PIEZO2: variants seen among roughly 807,000 people sequenced by gnomAD.
PIEZO2 encodes the protein piezo type mechanosensitive ion channel component 2, also known as piezo-type mechanosensitive ion channel component 2.
Under a neutral mutation model 337.3 loss-of-function variants are expected in PIEZO2, and 172 were observed. The ratio of observed to expected loss-of-function variants is 0.51; its 90% CI spans 0.45 to 0.58. PIEZO2 has a LOEUF of 0.58. PIEZO2 is among the 20% of genes least tolerant of loss of function. The pLI is 0.00. For synonymous variants in PIEZO2, 1,251 were observed against 1,228.5 expected, an observed-to-expected ratio of 1.02 and a Z score of -0.38; for missense variants, 3,028 against 3,391.3, an observed-to-expected ratio of 0.89 and a Z score of 2.66.
rs1217231169 is a variant in PIEZO2 at position 10,784,968 on chromosome 18, A to G, written c.2319-11T>C. The G allele has an allele frequency of 9.8e-6, 15 of 1,525,078 alleles. No homozygotes were observed. Among genetic ancestry groups the G allele is most frequent in the African/African-American group, 1.4e-5 (1 of 71,988 alleles). The allele number at this position is 1,525,078 out of a possible 1,614,324, so 94.5% of individuals were successfully genotyped here. A position where few individuals can be genotyped will look rare whatever the true frequency, so the allele number is the denominator to read the frequency against. The stretch of plus-strand genomic sequence containing the variant: ...CCAAGATCCTCAAGCCTGCAAAACA[A>G]AACAAAATAAAAAGCAGGAACCTCT... On this transcript the variant is annotated splice_polypyrimidine_tract_variant and intron_variant, in intron 16 of 55. Coordinates refer to ENST00000674853, the MANE Select transcript of PIEZO2 (RefSeq NM_001378183.1). This position sits in a 1 kb window ranked among gnomAD's most constrained non-coding sequence, Gnocchi z 4.5.
chr18:10,917,576 T>G (rs1174081062), intron 3 of PIEZO2, among the ~76,000 whole-genome samples: 2 of 152,210 alleles, frequency 1.3e-5, no homozygotes, highest in Non-Finnish European at 2.9e-5. Context: ...CCTAATGTAG[T>G]GGTAAAACTG....
chr18:10,956,171 T>C (rs921468899), intron 3 of PIEZO2, among the ~76,000 whole-genome samples: 13 of 152,196 alleles, frequency 8.5e-5, no homozygotes, highest in Non-Finnish European at 1.9e-4. Flanking sequence ...AAAATGTCAA[T>C]AGCCTAATAA....
chr18:10,813,225 C>T lies in PIEZO2; in HGVS notation c.918-5951G>A, dbSNP rs572225069. On this transcript the variant is annotated intron_variant, in intron 7 of 55. Transcript: ENST00000674853. This position sits in a 1 kb window ranked among gnomAD's most constrained non-coding sequence, Gnocchi z 4.2. ...CCAACTCCTGACCTCGTGATTTGCC[C>T]GCCTGGGCCTCCCAAAGTGCTGGCA... is the stretch of plus-strand genomic sequence containing the variant. Among the ~76,000 whole-genome samples the T allele has an allele frequency of 1.4e-3, 214 of 152,266 alleles. No individual in the cohort carries two copies. Among genetic ancestry groups the T allele is most frequent in the Non-Finnish European group, 2.5e-3 (172 of 68,020 alleles).
At chr18:10,715,551 G>C in intron 38 of PIEZO2, 99 bp downstream of exon 38, 1 of 1,140,472 alleles carries the variant, frequency 8.8e-7, no homozygotes, top group Non-Finnish European at 1.2e-6. Flanking sequence ...TGCCTGGAAA[G>C]AAAGGGCTTT....
chr18:10,802,745 G>A (rs1197648738), intron 9 of PIEZO2, among the ~76,000 whole-genome samples: 6 of 152,054 alleles, frequency 3.9e-5, no homozygotes, highest in East Asian at 3.9e-4. Flanking sequence ...CGAGGCAGGC[G>A]GATTGCCTAA....
chr18:11,040,550 G>A (rs1433301859), intron 2 of PIEZO2, among the ~76,000 whole-genome samples: 1 of 152,206 alleles, frequency 6.6e-6, no homozygotes, highest in Non-Finnish European at 1.5e-5. Flanking sequence ...ACTTGGCTGG[G>A]AATGTGAATG....
In PIEZO2 at chr18:10,677,699, G is replaced by T; in HGVS notation, c.8081+48C>A. The T allele has an allele frequency of 1.3e-6, 2 of 1,577,294 alleles. No homozygotes were observed. Among genetic ancestry groups the T allele is most frequent in the African/African-American group, 1.4e-5 (1 of 72,874 alleles). ...ATCTGTAGATGGACATTTTGTACCA[G>T]CTGCATATACCTAACAAAGCTCTAT... On this transcript the variant is annotated intron_variant, in intron 53 of 55. Transcript: ENST00000674853. This position sits in a 1 kb window ranked among gnomAD's most constrained non-coding sequence, Gnocchi z 4.1.
intron 2 of PIEZO2, among the ~76,000 whole-genome samples, chr18:11,024,470 C>T (rs1486480686): frequency 6.8e-4 from 100 of 147,474 alleles, no homozygotes; most frequent in African/African-American, 2.4e-3. Flanking sequence ...GGTGTGAACC[C>T]GGGAGGCGGA....
In PIEZO2 at chr18:10,746,467, G is replaced by A. The variant is rs1475150286; in HGVS notation, c.4424+2004C>T. ...TCCTCTTCATCCTTCAGCCTGCACT[G>A]GGAATGGAAGGCCACCTGGTTCACG... On this transcript the variant is annotated intron_variant, in intron 30 of 55. Coordinates refer to ENST00000674853, the MANE Select transcript of PIEZO2 (RefSeq NM_001378183.1). This position sits in a 1 kb window ranked among gnomAD's most constrained non-coding sequence, Gnocchi z 4.2. 6.6e-6 allele frequency among the ~76,000 whole-genome samples: 1 copy of A among 152,164 alleles called. No individual in the cohort carries two copies. Among genetic ancestry groups the A allele is most frequent in the African/African-American group, 2.4e-5 (1 of 41,438 alleles).
chr18:10,694,841 C>CAATA (rs10556069), intron 47 of PIEZO2, among the ~76,000 whole-genome samples: 5 of 151,048 alleles, frequency 3.3e-5, no homozygotes, highest in African/African-American at 9.8e-5. Flanking sequence ...TCCCTAAAAA[C>CAATA]AATAAATAAA....
Position 10,671,450 on chromosome 18 carries a change from C to T in PIEZO2, c.*77G>A. Reference sequence around the variant, plus strand: ...AACCATTTCCGTCGAACTAGAAATGCTTAGCTCTTATGAGAATATTGTGCT... The same window carrying T: ...AACCATTTCCGTCGAACTAGAAATGTTTAGCTCTTATGAGAATATTGTGCT... On this transcript the variant is annotated 3_prime_UTR_variant, in exon 56 of 56. Coordinates refer to ENST00000674853, the MANE Select transcript of PIEZO2 (RefSeq NM_001378183.1). 1 of 1,434,842 alleles carries T rather than the reference C, an allele frequency of 7.0e-7. No homozygotes were observed. Among genetic ancestry groups the T allele is most frequent in the Non-Finnish European group, 9.4e-7 (1 of 1,064,740 alleles). The allele number at this position is 1,434,842 out of a possible 1,614,324, so 88.9% of individuals were successfully genotyped here. A position where few individuals can be genotyped will look rare whatever the true frequency, so the allele number is the denominator to read the frequency against.
At position 10,856,642 on chromosome 18, in the gene PIEZO2, T is replaced by C. The variant is rs7236233; in HGVS notation, c.703+359A>G. 0.012 allele frequency among the ~76,000 whole-genome samples: 1,875 copies of C among 152,314 alleles called. 41 individuals are homozygous for C. Among genetic ancestry groups the C allele is most frequent in the African/African-American group, 0.043 (1,787 of 41,578 alleles). On this transcript the variant is annotated intron_variant, in intron 6 of 55. Coordinates refer to ENST00000674853, the MANE Select transcript of PIEZO2 (RefSeq NM_001378183.1). This position sits in a 1 kb window ranked among gnomAD's most constrained non-coding sequence, Gnocchi z 4.7. ...AGACAGACCTCCAGAACCCACAATA[T>C]GGCTTGTGATGGGTGCATGCACATT... is the stretch of plus-strand genomic sequence containing the variant.
At chr18:10,997,331 G>C (rs1017713159) in intron 2 of PIEZO2, among the ~76,000 whole-genome samples, 1 of 151,182 alleles carries the variant, frequency 6.6e-6, no homozygotes, top group African/African-American at 2.4e-5. Context: ...GTCACATAAC[G>C]TAATATTCAA....
At chr18:10,739,383 T>G (rs1229996714) in intron 33 of PIEZO2, 2 of 152,208 alleles carry the variant, frequency 1.3e-5, no homozygotes, top group African/African-American at 2.4e-5. Flanking sequence ...CAGGAAGTTC[T>G]TTATATTATT....
In PIEZO2 at chr18:10,758,143, A is replaced by T; in HGVS notation, c.3758-9T>A. The T allele has an allele frequency of 6.5e-7, 1 of 1,536,872 alleles. No homozygotes were observed. ...AAGCAGCATGAAGTCATCTAACAAG[A>T]CAGAGGTGAGATCATTAAGCCGCCT... On this transcript the variant is annotated splice_polypyrimidine_tract_variant and intron_variant, in intron 26 of 55. Coordinates refer to ENST00000674853, the MANE Select transcript of PIEZO2 (RefSeq NM_001378183.1).
At chr18:11,113,126 T>C (rs1322129998) in intron 1 of PIEZO2, among the ~76,000 whole-genome samples, 2 of 152,210 alleles carry the variant, frequency 1.3e-5, no homozygotes, top group Non-Finnish European at 1.5e-5. Flanking sequence ...CTGGGCTTTA[T>C]GCTCCTGGAA....
chr18:11,023,057 G>A (rs956535747), intron 2 of PIEZO2, among the ~76,000 whole-genome samples: 1 of 152,126 alleles, frequency 6.6e-6, no homozygotes, highest in African/African-American at 2.4e-5. Flanking sequence ...GAGTGAAGCT[G>A]CAGACCCTTC....
chr18:10,782,552 G>A (rs1188479617), intron 17 of PIEZO2, among the ~76,000 whole-genome samples: 1 of 134,194 alleles, frequency 7.5e-6, no homozygotes, highest in Non-Finnish European at 1.5e-5. Flanking sequence ...AATTTTCATA[G>A]AACGAAAAAT....
At chr18:10,960,389 T>C (rs2033712946) in intron 3 of PIEZO2, among the ~76,000 whole-genome samples, 1 of 152,172 alleles carries the variant, frequency 6.6e-6, no homozygotes. Context: ...AAAGATATTG[T>C]TTTAATACTC....
Sources: gnomAD v4.1 joint callset for allele counts (sites outside exome capture counted in the v4.1 genomes callset) on GRCh38, gnomAD v4.1.1 for gene constraint, Gnocchi (gnomAD v3.1) non-coding constraint, MANE v1.5 for transcripts, NCBI Gene and HGNC (gene_info 2026-07-23, HGNC 2026-07-21) for gene names.